The following NMNAT3 variants were observed in gnomAD, a reference collection of about 807,000 sequenced individuals.
The protein encoded by NMNAT3 is nicotinamide/nicotinic acid mononucleotide adenylyltransferase 3.
NMNAT3 carries 21 observed loss-of-function variants against 24.8 expected under a neutral mutation model. The observed-to-expected ratio is 0.85, with a 90% CI of 0.60 to 1.22. NMNAT3 has a LOEUF of 1.22. NMNAT3 is among the 50% of genes most tolerant of loss of function. The probability of loss-of-function intolerance (pLI) is 0.00; values close to 1 mark genes in which losing one functional copy is unlikely to be tolerated. For missense variants in NMNAT3, 387 were observed against 436.6 expected (o/e 0.89, Z 1.01); for synonymous variants, 136 against 155.2 (o/e 0.88, Z 0.92).
intron 3 of NMNAT3, among the ~76,000 whole-genome samples, chr3:139,587,874 T>A (rs1031727772): frequency 2.0e-5 from 3 of 152,184 alleles, no homozygotes; most frequent in Admixed American, 1.3e-4. Context: ...TTCACATTAA[T>A]TTCTGTTTTA....
At chr3:139,565,754 G>C (rs972845988) in intron 6 of NMNAT3, 1 of 152,148 alleles carries the variant, frequency 6.6e-6, no homozygotes, top group Admixed American at 6.5e-5. Flanking sequence ...TCTTAATCCA[G>C]TCTATCGTTG....
rs149965977 is a variant in NMNAT3 at position 139,655,123 on chromosome 3, C to T, written c.-140-17061G>A. On this transcript the variant is annotated intron_variant, in intron 1 of 6. Coordinates refer to ENST00000643695, the MANE Select transcript of NMNAT3 (RefSeq NM_001320510.2). Reference sequence around the variant, plus strand: ...AGTTGGGAAGAGAAAACAGCATTTGCAAAGGCCTTGGAATGTGAGAGGCCA... The same window carrying T: ...AGTTGGGAAGAGAAAACAGCATTTGTAAAGGCCTTGGAATGTGAGAGGCCA... Among the ~76,000 whole-genome samples the T allele has an allele frequency of 1.9e-3, 285 of 152,300 alleles. 1 individual carries two copies. Among genetic ancestry groups the T allele is most frequent in the African/African-American group, 6.6e-3 (275 of 41,566 alleles).
intron 5 of NMNAT3, among the ~76,000 whole-genome samples, chr3:139,575,401 T>C (rs1939148326): frequency 6.6e-6 from 1 of 152,150 alleles, no homozygotes; most frequent in African/African-American, 2.4e-5. Flanking sequence ...TCACCTCCAC[T>C]TTCTAACTGT....
intron 2 of NMNAT3, among the ~76,000 whole-genome samples, chr3:139,631,638 T>C (rs891312152): frequency 1.3e-5 from 2 of 152,164 alleles, no homozygotes; most frequent in Admixed American, 6.5e-5. Flanking sequence ...GTTCTACCTT[T>C]GGCTCCCGCC....
chr3:139,660,046 A>G (rs1007625508), intron 1 of NMNAT3, among the ~76,000 whole-genome samples: 12 of 152,218 alleles, frequency 7.9e-5, no homozygotes, highest in Non-Finnish European at 1.5e-5. Flanking sequence ...GGATGGGACA[A>G]TTCCAAAAGG....
At chr3:139,637,429 T>C (rs1376997197) in intron 2 of NMNAT3, 1 of 152,180 alleles carries the variant, frequency 6.6e-6, no homozygotes, top group Non-Finnish European at 1.5e-5. Flanking sequence ...CACACAACTA[T>C]AGTGAGCTAG....
intron 1 of NMNAT3, among the ~76,000 whole-genome samples, chr3:139,661,311 CTA>C (rs374722960): frequency 6.6e-6 from 1 of 152,236 alleles, no homozygotes; most frequent in East Asian, 1.9e-4. Context: ...CAGCCTAAGA[CTA>C]AGTACATCCT....
intron 1 of NMNAT3, among the ~76,000 whole-genome samples, chr3:139,639,614 T>C (rs1029211280): frequency 1.3e-5 from 2 of 152,212 alleles, no homozygotes; most frequent in African/African-American, 4.8e-5. Flanking sequence ...CATGTGGCCA[T>C]CTTCACATCC....
chr3:139,663,961 A>G (rs970964500), intron 1 of NMNAT3, among the ~76,000 whole-genome samples: 1 of 151,986 alleles, frequency 6.6e-6, no homozygotes, highest in African/African-American at 2.4e-5. Context: ...GAAGTCAACT[A>G]CTGTGTTTTT....
intron 2 of NMNAT3, chr3:139,635,431 C>T (rs1312234508): frequency 2.6e-5 from 4 of 152,202 alleles, no homozygotes; most frequent in African/African-American, 7.2e-5. Context: ...TATTGAAAAA[C>T]ACATGAACAG....
chr3:139,595,115 T>C (rs1255184215), intron 3 of NMNAT3, among the ~76,000 whole-genome samples: 2 of 152,190 alleles, frequency 1.3e-5, no homozygotes, highest in Admixed American at 1.3e-4. Flanking sequence ...TCAGCAAGTC[T>C]CAGGATACAA....
intron 4 of NMNAT3, chr3:139,582,794 GAAAT>G (rs2053722610): frequency 2.3e-6 from 1 of 443,342 alleles, no homozygotes. Context: ...GAGAAATAGA[GAAAT>G]AAAGTAAATG....
At chr3:139,666,814 C>T (rs2057598495) in intron 1 of NMNAT3, among the ~76,000 whole-genome samples, 1 of 152,118 alleles carries the variant, frequency 6.6e-6, no homozygotes, top group Admixed American at 6.5e-5. Context: ...CTTTTAGCTC[C>T]CACATGAGTG....
At chr3:139,638,499 G>A (rs376762698) in intron 1 of NMNAT3, among the ~76,000 whole-genome samples, 4 of 152,068 alleles carry the variant, frequency 2.6e-5, no homozygotes, top group East Asian at 1.9e-4. Flanking sequence ...GCAATTGTTC[G>A]TAATGACATC....
Position 139,561,411 on chromosome 3 carries a change from A to G in NMNAT3, c.659-19T>C. The G allele has an allele frequency of 1.9e-6, 3 of 1,603,460 alleles. No homozygotes were observed. Among genetic ancestry groups the G allele is most frequent in the Non-Finnish European group, 2.6e-6 (3 of 1,173,202 alleles). ...GGCACAGCTGCAAAAACAAGGATGG[A>G]CCCAGTAAAGTTAGAGAGAGGTCAC... On this transcript the variant is annotated intron_variant, in intron 6 of 6. Transcript: ENST00000643695.
chr3:139,593,398 T>A (rs2054292998), intron 3 of NMNAT3, among the ~76,000 whole-genome samples: 1 of 152,054 alleles, frequency 6.6e-6, no homozygotes, highest in Non-Finnish European at 1.5e-5. Context: ...ATTAGACAGA[T>A]CAACGAGACA....
At chr3:139,649,372 T>A (rs943297155) in intron 1 of NMNAT3, among the ~76,000 whole-genome samples, 3 of 151,718 alleles carry the variant, frequency 2.0e-5, no homozygotes, top group African/African-American at 7.3e-5. Flanking sequence ...TACACCAAAC[T>A]CCCTGGTGGT....
chr3:139,572,921 G>A (rs547879019), intron 6 of NMNAT3, among the ~76,000 whole-genome samples: 97 of 152,264 alleles, frequency 6.4e-4, no homozygotes, highest in Middle Eastern at 3.4e-3. Flanking sequence ...AGACCCTGCC[G>A]TAGGAAATTC....
At chr3:139,578,543 C>T (rs1204469204) in intron 5 of NMNAT3, among the ~76,000 whole-genome samples, 2 of 152,160 alleles carry the variant, frequency 1.3e-5, no homozygotes, top group African/African-American at 2.4e-5. Flanking sequence ...AGAAATATGT[C>T]TCAGAGGCTT....
Sources: allele counts gnomAD v4.1 joint callset (sites outside exome capture counted in the v4.1 genomes callset), GRCh38; gene constraint gnomAD v4.1.1; transcripts MANE v1.5; gene names NCBI Gene and HGNC (gene_info 2026-07-23, HGNC 2026-07-21).